Variants in CPQ observed in about 807,000 individuals in gnomAD.
CPQ encodes the protein carboxypeptidase Q.
A neutral mutation model predicts 45.7 loss-of-function variants in CPQ; 37 were observed. The ratio of observed to expected loss-of-function variants is 0.81; its 90% CI spans 0.62 to 1.07. CPQ has a LOEUF of 1.07. CPQ is among the 50% of genes least tolerant of loss of function. The probability of loss-of-function intolerance (pLI) is 0.00; values close to 1 mark genes in which losing one functional copy is unlikely to be tolerated. For missense variants in CPQ, 537 were observed against 572.9 expected, an observed-to-expected ratio of 0.94 and a Z score of 0.64; for synonymous variants, 186 against 205.8, an observed-to-expected ratio of 0.90 and a Z score of 0.82.
chr8:97,121,371 G>A (rs771082592), intron 7 of CPQ, among the ~76,000 whole-genome samples: 1 of 152,200 alleles, frequency 6.6e-6, no homozygotes, highest in Non-Finnish European at 1.5e-5. Context: ...GGAAGCCAAA[G>A]TGGAAAGAAC....
At chr8:96,858,237 T>C (rs1811875544) in intron 3 of CPQ, among the ~76,000 whole-genome samples, 1 of 152,162 alleles carries the variant, frequency 6.6e-6, no homozygotes, top group South Asian at 2.1e-4. Context: ...ATCCAGGCCT[T>C]ACTAGAGATC....
At chr8:97,137,816 G>C (rs1353019639) in intron 7 of CPQ, among the ~76,000 whole-genome samples, 1 of 151,974 alleles carries the variant, frequency 6.6e-6, no homozygotes, top group Admixed American at 6.5e-5. Flanking sequence ...GTAGTCCCGG[G>C]AGGCGGAGCT....
In CPQ at chr8:96,965,996, G is replaced by A; in HGVS notation, c.911G>A (p.Gly304Asp). ...WDVGQGAMDD[G>D]GGAFISWEAL... ...GTTGGGCAGGGTGCCATGGATGATG[G>A]CGGTGGAGCCTTTATATCATGGGAA... is the stretch of plus-strand genomic sequence containing the variant. Residue 304 changes from glycine to aspartate, a missense_variant, in exon 5 of 8, where the codon GGC becomes GAC. Transcript: ENST00000220763. 1 of 1,614,072 alleles carries A rather than the reference G, an allele frequency of 6.2e-7. No individual in the cohort carries two copies. The highest frequency in any genetic ancestry group is 8.5e-7 in the Non-Finnish European group (1 of 1,179,980).
intron 3 of CPQ, among the ~76,000 whole-genome samples, chr8:96,875,478 A>G (rs1192673636): frequency 6.6e-6 from 1 of 151,984 alleles, no homozygotes; most frequent in Non-Finnish European, 1.5e-5. Context: ...TGTCTATGGC[A>G]TGATTTAAGA....
At chr8:96,916,616 A>G (rs1292438175) in intron 4 of CPQ, among the ~76,000 whole-genome samples, 1 of 152,136 alleles carries the variant, frequency 6.6e-6, no homozygotes, top group African/African-American at 2.4e-5. Flanking sequence ...GTCACAATTA[A>G]TGAACAAATA....
chr8:96,874,435 A>G (rs868831215), intron 3 of CPQ, among the ~76,000 whole-genome samples: 6 of 151,898 alleles, frequency 4.0e-5, no homozygotes, highest in Middle Eastern at 3.4e-3. Flanking sequence ...ATCATCCCAA[A>G]AAGAAACCTC....
intron 7 of CPQ, among the ~76,000 whole-genome samples, chr8:97,070,454 G>A (rs1282916424): frequency 2.6e-5 from 4 of 152,076 alleles, no homozygotes; most frequent in Non-Finnish European, 4.4e-5. Context: ...TTAATTTTAG[G>A]AGACATTTAA....
chr8:96,877,447 C>A (rs1346213265), intron 3 of CPQ, among the ~76,000 whole-genome samples: 1 of 152,092 alleles, frequency 6.6e-6, no homozygotes, highest in African/African-American at 2.4e-5. Context: ...CTGACCTTCT[C>A]TTGGGTAAGA....
rs191536287 is a variant in CPQ, at chr8:96,973,162, T to A, written c.961+7116T>A. On this transcript the variant is annotated intron_variant, in intron 5 of 7. Transcript: ENST00000220763. ...GGGATATGAAACAAAAAGTCTTCAG[T>A]GAAATAGACAGCATAAATGTAAAAC... Among the ~76,000 whole-genome samples the A allele has an allele frequency of 1.7e-3, 253 of 152,002 alleles. 3 individuals carry two copies. The highest frequency in any genetic ancestry group is 0.013 in the Admixed American group (195 of 15,266).
intron 7 of CPQ, among the ~76,000 whole-genome samples, chr8:97,084,467 A>G (rs538479582): frequency 6.6e-6 from 1 of 152,318 alleles, no homozygotes; most frequent in Admixed American, 6.5e-5. Flanking sequence ...AGAACTAAAC[A>G]GTTTAGCACA....
At chr8:96,970,945 G>T (rs1813664430) in intron 5 of CPQ, among the ~76,000 whole-genome samples, 1 of 152,186 alleles carries the variant, frequency 6.6e-6, no homozygotes, top group Admixed American at 6.5e-5. Flanking sequence ...AGGATAAAAA[G>T]AGATATTATA....
At chr8:97,045,333 C>T (rs991588014) in intron 6 of CPQ, among the ~76,000 whole-genome samples, 5 of 152,174 alleles carry the variant, frequency 3.3e-5, no homozygotes, top group African/African-American at 1.2e-4. Context: ...TTTTTAAGCC[C>T]GTCGGAAAAG....
intron 6 of CPQ, among the ~76,000 whole-genome samples, chr8:97,036,493 T>C (rs577744564): frequency 2.0e-5 from 3 of 152,360 alleles, no homozygotes; most frequent in Non-Finnish European, 4.4e-5. Context: ...AATTTGACTT[T>C]GAAATTTGAA....
chr8:97,082,922 G>A (rs1810976430), intron 7 of CPQ, among the ~76,000 whole-genome samples: 1 of 152,154 alleles, frequency 6.6e-6, no homozygotes, highest in African/African-American at 2.4e-5. Flanking sequence ...ATAAGGCAAT[G>A]AGGTAAAACA....
intron 7 of CPQ, among the ~76,000 whole-genome samples, chr8:97,099,525 T>C (rs536152580): frequency 1.3e-5 from 2 of 151,698 alleles, no homozygotes; most frequent in Non-Finnish European, 1.5e-5. Flanking sequence ...ATTTTGATTA[T>C]AGGAAAAATT....
At chr8:96,871,381 G>A (rs1280907144) in intron 3 of CPQ, among the ~76,000 whole-genome samples, 1 of 151,948 alleles carries the variant, frequency 6.6e-6, no homozygotes, top group Non-Finnish European at 1.5e-5. Flanking sequence ...GAAAGATTCA[G>A]CTGCAAGTAT....
At chr8:96,732,991 T>C (rs1485583517) in intron 1 of CPQ, among the ~76,000 whole-genome samples, 3 of 152,208 alleles carry the variant, frequency 2.0e-5, no homozygotes, top group African/African-American at 7.2e-5. Flanking sequence ...GAGAGACTAA[T>C]TAATGGTAGG....
chr8:96,690,252 T>C (rs1809288887), intron 1 of CPQ, among the ~76,000 whole-genome samples: 1 of 152,186 alleles, frequency 6.6e-6, no homozygotes, highest in Non-Finnish European at 1.5e-5. Context: ...TGCAAGTTAT[T>C]CCTTTTAAAA....
At chr8:96,854,556 A>AAAAAAC (rs1811819234) in intron 3 of CPQ, among the ~76,000 whole-genome samples, 1 of 134,340 alleles carries the variant, frequency 7.4e-6, no homozygotes, top group Non-Finnish European at 1.6e-5. Context: ...AAAAAAAAAA[A>AAAAAAC]AAATGTGGTG....
Sources: gnomAD v4.1 joint callset for allele counts (sites outside exome capture counted in the v4.1 genomes callset) on GRCh38, gnomAD v4.1.1 for gene constraint, MANE v1.5 for transcripts, NCBI Gene and HGNC (gene_info 2026-07-23, HGNC 2026-07-21) for gene names.